Variants in HIVEP1 observed in about 807,000 individuals in gnomAD.
The protein encoded by HIVEP1 is HIVEP zinc finger 1, also known as zinc finger protein 40.
HIVEP1 carries 36 observed loss-of-function variants against 180.0 expected under a neutral mutation model. The ratio of observed to expected loss-of-function variants is 0.20; its 90% CI spans 0.15 to 0.26. The LOEUF is 0.26. Ranked by LOEUF, HIVEP1 falls within the 10% of genes least tolerant of loss-of-function variation. HIVEP1 has a pLI of 1.00. For missense variants in HIVEP1, 3,143 were observed against 3,268.7 expected (o/e 0.96, Z 0.94); for synonymous variants, 1,239 against 1,239.0 (o/e 1.00, Z 0.00).
At chr6:12,199,511 A>G in the HIVEP1 span, among the ~76,000 whole-genome samples, 7 of 151,776 alleles carry the variant, frequency 4.6e-5, no homozygotes, top group Non-Finnish European at 8.8e-5. Flanking sequence ...ACAGGTGCCC[A>G]CCACCATGCC....
At position 12,124,253 on chromosome 6, in the gene HIVEP1, T is replaced by C. The variant is rs1188301908; in HGVS notation, c.4458T>C (p.Thr1486=). The C allele has an allele frequency of 6.2e-7, 1 of 1,614,008 alleles. No individual in the cohort carries two copies. Among genetic ancestry groups the C allele is most frequent in the Admixed American group, 1.7e-5 (1 of 60,004 alleles). ...CTGCAAATACTTTGCACTCTCAGACTCAGGTTAAGGATCTGCAGGCAGAAA... is the reference window on the plus strand; with the variant it reads ...CTGCAAATACTTTGCACTCTCAGACCCAGGTTAAGGATCTGCAGGCAGAAA... The part of the protein sequence containing the change: ...EFSANTLHSQ[T]QVKDLQAETS... The change falls in exon 4 of 9, where the codon ACT becomes ACC. Residue 1486 remains threonine (T), a synonymous_variant. Transcript: ENST00000379388.
At chr6:12,156,028 T>A (rs1760016095) in intron 7 of HIVEP1, among the ~76,000 whole-genome samples, 1 of 152,158 alleles carries the variant, frequency 6.6e-6, no homozygotes. Flanking sequence ...TTCTTCATGT[T>A]GTTGGCTGCA....
At chr6:12,021,092 C>T (rs547900180) in intron 2 of HIVEP1, among the ~76,000 whole-genome samples, 6 of 152,140 alleles carry the variant, frequency 3.9e-5, no homozygotes, top group African/African-American at 1.4e-4. Flanking sequence ...AGGTTTTCAC[C>T]ACGTTGGCCA....
the HIVEP1 span, among the ~76,000 whole-genome samples, chr6:12,196,909 T>C: frequency 6.6e-6 from 1 of 152,224 alleles, no homozygotes; most frequent in African/African-American, 2.4e-5. Flanking sequence ...ATTTATTGAG[T>C]ACTTACTTTA....
chr6:12,168,285 AT>A (rs1176547886), downstream of HIVEP1, among the ~76,000 whole-genome samples: 1 of 104,306 alleles, frequency 9.6e-6, no homozygotes, highest in African/African-American at 3.5e-5. Flanking sequence ...TACATATATT[AT>A]ATACATATAT....
Position 12,098,193 on chromosome 6 carries a change from T to G in HIVEP1, c.94+8956T>G, listed in dbSNP as rs79288623. ...CTGATTTTAGAGGGATTAAAATGTTTTTTAAAATTTGTCTTACATTATATT... is the reference window on the plus strand; with the variant it reads ...CTGATTTTAGAGGGATTAAAATGTTGTTTAAAATTTGTCTTACATTATATT... On this transcript the variant is annotated intron_variant, in intron 3 of 8. Transcript: ENST00000379388. Among the ~76,000 whole-genome samples the G allele has an allele frequency of 7.8e-3, 1,192 of 152,328 alleles. 22 individuals are homozygous for G. Among genetic ancestry groups the G allele is most frequent in the African/African-American group, 0.027 (1,116 of 41,570 alleles).
chr6:12,149,309 AG>A, intron 7 of HIVEP1, among the ~76,000 whole-genome samples: 1 of 152,222 alleles, frequency 6.6e-6, no homozygotes, highest in Middle Eastern at 3.2e-3. Flanking sequence ...AAATCTAAAA[AG>A]TCACAACCCC....
intron 2 of HIVEP1, among the ~76,000 whole-genome samples, chr6:12,041,926 TG>T (rs1172910561): frequency 6.6e-6 from 1 of 151,850 alleles, no homozygotes; most frequent in Admixed American, 6.6e-5. Flanking sequence ...CCCAAAGTGC[TG>T]GGGTTATAGG....
At chr6:12,160,262 C>T (rs1760315875) in intron 7 of HIVEP1, among the ~76,000 whole-genome samples, 1 of 152,180 alleles carries the variant, frequency 6.6e-6, no homozygotes, top group Non-Finnish European at 1.5e-5. Context: ...CCTGGATCAT[C>T]TTGAAGATTC....
intron 7 of HIVEP1, among the ~76,000 whole-genome samples, chr6:12,146,981 A>G (rs1254470513): frequency 6.6e-6 from 1 of 152,168 alleles, no homozygotes; most frequent in African/African-American, 2.4e-5. Context: ...ACACTGCTGC[A>G]TTTGGAAGGC....
At chr6:12,061,691 T>G (rs1771246866) in intron 2 of HIVEP1, among the ~76,000 whole-genome samples, 1 of 152,148 alleles carries the variant, frequency 6.6e-6, no homozygotes. Flanking sequence ...GTATGATCAT[T>G]TTATGGCTTT....
In HIVEP1 at chr6:12,129,740, C is replaced by T. The variant is rs1471518388; in HGVS notation, c.6076-19C>T. 1.9e-6 allele frequency: 3 copies of T among 1,581,372 alleles called. No homozygotes were observed. The highest frequency in any genetic ancestry group is 4.5e-5 in the East Asian group (2 of 44,536). ...GTTTTCAGTTTTATTAAATTAGTTT[C>T]TCTCTTTTTTCCTTTCAGAGAGCAT... On this transcript the variant is annotated intron_variant, in intron 4 of 8. Coordinates refer to ENST00000379388, the MANE Select transcript of HIVEP1 (RefSeq NM_002114.4).
chr6:12,184,903 TA>T, the HIVEP1 span, among the ~76,000 whole-genome samples: 3 of 152,252 alleles, frequency 2.0e-5, no homozygotes, highest in Non-Finnish European at 4.4e-5. Flanking sequence ...TGGAAGTCTC[TA>T]AAATATTTTT....
At chr6:12,020,890 CT>C (rs70981658) in intron 2 of HIVEP1, among the ~76,000 whole-genome samples, 29 of 105,766 alleles carry the variant, frequency 2.7e-4, no homozygotes, top group African/African-American at 7.9e-4. Flanking sequence ...TTCTTTCTTT[CT>C]TTTTTTTTTT....
chr6:12,106,354 A>T lies in HIVEP1; in HGVS notation c.95-13536A>T, dbSNP rs536874932. Among the ~76,000 whole-genome samples the T allele has an allele frequency of 4.6e-5, 7 of 151,850 alleles. No individual in the cohort carries two copies. In the East Asian group the frequency reaches 1.2e-3, roughly 25 times the overall value. On this transcript the variant is annotated intron_variant, in intron 3 of 8. Transcript: ENST00000379388. ...TGCAAATTGACGTACTCAAAATATTATTTTTTTTCCGGGGGATGGTGTGTT... is the reference window on the plus strand; with the variant it reads ...TGCAAATTGACGTACTCAAAATATTTTTTTTTTTCCGGGGGATGGTGTGTT...
chr6:12,077,815 G>A (rs1772469106), intron 2 of HIVEP1, among the ~76,000 whole-genome samples: 1 of 152,122 alleles, frequency 6.6e-6, no homozygotes, highest in Non-Finnish European at 1.5e-5. Context: ...TACTCAAGAG[G>A]GGGTTGGACA....
chr6:12,044,972 T>G (rs553988440), intron 2 of HIVEP1, among the ~76,000 whole-genome samples: 7 of 152,246 alleles, frequency 4.6e-5, no homozygotes, highest in Admixed American at 6.5e-5. Context: ...AACCCATCAA[T>G]AGAGCTAAGT....
At chr6:12,034,203 A>G (rs147095183) in intron 2 of HIVEP1, among the ~76,000 whole-genome samples, 10 of 152,346 alleles carry the variant, frequency 6.6e-5, no homozygotes, top group African/African-American at 2.4e-4. Flanking sequence ...TTATGTATGT[A>G]TGCATTTTGG....
chr6:12,043,354 AATTTTTTT>A (rs1261724493), intron 2 of HIVEP1, among the ~76,000 whole-genome samples: 4 of 140,332 alleles, frequency 2.9e-5, no homozygotes, highest in Non-Finnish European at 6.2e-5. Context: ...TCTAAGTGAA[AATTTTTTT>A]TTTTTTTTTT....
Sources: allele counts gnomAD v4.1 joint callset (sites outside exome capture counted in the v4.1 genomes callset), GRCh38; gene constraint gnomAD v4.1.1; transcripts MANE v1.5; gene names NCBI Gene and HGNC (gene_info 2026-07-23, HGNC 2026-07-21).